The following ZFHX3 variants were observed in gnomAD, a reference collection of about 807,000 sequenced individuals.
ZFHX3 encodes zinc finger homeobox protein 3.
A neutral mutation model predicts 279.1 loss-of-function variants in ZFHX3; 42 were observed. The ratio of observed to expected loss-of-function variants is 0.15; its 90% CI spans 0.12 to 0.19. ZFHX3 has a LOEUF of 0.19. Ranked by LOEUF, ZFHX3 falls within the 10% of genes least tolerant of loss-of-function variation. ZFHX3 has a pLI of 1.00. For synonymous variants in ZFHX3, 2,293 were observed against 1,957.8 expected, an observed-to-expected ratio of 1.17 and a Z score of -4.52; for missense variants, 4,981 against 4,754.0, an observed-to-expected ratio of 1.05 and a Z score of -1.40.
intron 5 of ZFHX3, among the ~76,000 whole-genome samples, chr16:72,828,911 G>A (rs1169028650): frequency 6.6e-6 from 1 of 151,722 alleles, no homozygotes; most frequent in East Asian, 1.9e-4. Context: ...GGCTGGTCTC[G>A]AACTCCTGAG....
At chr16:73,678,193 G>A (rs8063337) in intron 2 of ZFHX3, among the ~76,000 whole-genome samples, 15,458 of 152,008 alleles carry the variant, frequency 0.1, 887 homozygotes, top group African/African-American at 0.13. Flanking sequence ...TTCATTTTTC[G>A]ATAACAGGAA....
intron 6 of ZFHX3, chr16:73,131,139 A>T (rs56203505): frequency 5.0e-5 from 24 of 476,126 alleles, no homozygotes; most frequent in Middle Eastern, 7.0e-4. Flanking sequence ...TAGGGTTGAC[A>T]TGAGAATTCA....
At chr16:72,791,609 A>T (rs962235292) in intron 9 of ZFHX3, 1 of 152,138 alleles carries the variant, frequency 6.6e-6, no homozygotes, top group African/African-American at 2.4e-5. Flanking sequence ...GGAATAAATC[A>T]TACATTCTGA....
At chr16:73,226,566 G>A (rs1441248218) in intron 5 of ZFHX3, among the ~76,000 whole-genome samples, 1 of 152,214 alleles carries the variant, frequency 6.6e-6, no homozygotes, top group Non-Finnish European at 1.5e-5. Flanking sequence ...TGTCTCATGG[G>A]ATGTGAGCTC....
rs188690922 is a variant in ZFHX3, at chr16:72,888,833, G to C, written c.3448+898C>G. 7.6e-4 allele frequency among the ~76,000 whole-genome samples: 115 copies of C among 152,310 alleles called. No homozygotes were observed. The Middle Eastern group carries it at 0.014, about 18-fold the overall frequency. ...TAGGAGGTTGAGACATGGAATAGAG[G>C]TGAGCAGTTCACAGGGTTCTCTCAA... On this transcript the variant is annotated intron_variant, in intron 4 of 9. Transcript: ENST00000268489.
intron 2 of ZFHX3, chr16:73,608,821 T>TA (rs988475745): frequency 6.6e-6 from 1 of 152,102 alleles, no homozygotes; most frequent in Non-Finnish European, 1.5e-5. Flanking sequence ...AAGGTATTTT[T>TA]AAAAAAACAA....
intron 4 of ZFHX3, among the ~76,000 whole-genome samples, chr16:72,866,286 A>C (rs2038021553): frequency 6.6e-6 from 1 of 152,210 alleles, no homozygotes; most frequent in African/African-American, 2.4e-5. Flanking sequence ...GTATAATGAC[A>C]CTTTATGTAC....
intron 1 of ZFHX3, among the ~76,000 whole-genome samples, chr16:72,977,344 T>C (rs369626896): frequency 4.6e-5 from 7 of 152,238 alleles, no homozygotes; most frequent in South Asian, 4.1e-4. Flanking sequence ...ACACACTCAC[T>C]GCACTGCACA....
chr16:73,405,350 T>C (rs990622480), intron 3 of ZFHX3, among the ~76,000 whole-genome samples: 1 of 152,174 alleles, frequency 6.6e-6, no homozygotes, highest in African/African-American at 2.4e-5. Flanking sequence ...TCCTGGCTGA[T>C]TTTTCTTTTT....
chr16:73,808,207 A>G (rs187271854), intron 1 of ZFHX3, among the ~76,000 whole-genome samples: 101 of 152,364 alleles, frequency 6.6e-4, no homozygotes, highest in African/African-American at 2.1e-3. Context: ...CCATCGATGT[A>G]GATCATGAGC....
chr16:73,804,507 A>C (rs1392446697), intron 1 of ZFHX3, among the ~76,000 whole-genome samples: 2 of 152,182 alleles, frequency 1.3e-5, no homozygotes, highest in Non-Finnish European at 2.9e-5. Flanking sequence ...AAAGAGGTGT[A>C]ATTTCAGGGG....
chr16:73,286,532 G>A (rs780001065), intron 4 of ZFHX3, among the ~76,000 whole-genome samples: 18 of 151,806 alleles, frequency 1.2e-4, no homozygotes, highest in Admixed American at 3.3e-4. Flanking sequence ...TGTGTGGGTC[G>A]GTGTGTGGCT....
intron 1 of ZFHX3, among the ~76,000 whole-genome samples, chr16:72,992,831 G>C (rs989597326): frequency 6.6e-6 from 1 of 152,212 alleles, no homozygotes; most frequent in Non-Finnish European, 1.5e-5. Context: ...AAGAGCCTTC[G>C]AGGGGCATCA....
At chr16:73,286,999 T>C (rs1597263142) in intron 4 of ZFHX3, among the ~76,000 whole-genome samples, 1 of 143,300 alleles carries the variant, frequency 7.0e-6, no homozygotes, top group Non-Finnish European at 1.5e-5. Flanking sequence ...TGTGGGTCAG[T>C]GTGTGGCTAT....
chr16:72,888,406 G>C (rs1345851830), intron 4 of ZFHX3, among the ~76,000 whole-genome samples: 1 of 152,156 alleles, frequency 6.6e-6, no homozygotes, highest in Non-Finnish European at 1.5e-5. Context: ...CAAGAGGTGG[G>C]ACCAATGAGA....
At chr16:73,282,534 T>C (rs1329268937) in intron 4 of ZFHX3, among the ~76,000 whole-genome samples, 1 of 152,214 alleles carries the variant, frequency 6.6e-6, no homozygotes, top group Non-Finnish European at 1.5e-5. Flanking sequence ...TTTTTGACTG[T>C]CTTCCATATT....
At chr16:73,167,409 A>G (rs1248569325) in intron 5 of ZFHX3, among the ~76,000 whole-genome samples, 1 of 152,248 alleles carries the variant, frequency 6.6e-6, no homozygotes, top group Non-Finnish European at 1.5e-5. Flanking sequence ...ATCCTCAGAG[A>G]GAAGAACTTA....
At chr16:73,019,339 T>TGTGC (rs1405621258) in intron 1 of ZFHX3, among the ~76,000 whole-genome samples, 12 of 107,698 alleles carry the variant, frequency 1.1e-4, no homozygotes, top group African/African-American at 3.1e-4. Context: ...TGTGTGTGTC[T>TGTGC]GTGCGTGTGT....
intron 4 of ZFHX3, among the ~76,000 whole-genome samples, chr16:73,280,600 G>T (rs2014431143): frequency 6.6e-6 from 1 of 152,036 alleles, no homozygotes; most frequent in Non-Finnish European, 1.5e-5. Flanking sequence ...TTAAAAAAAA[G>T]GCAAGTGTTG....
Sources: gnomAD v4.1 joint callset for allele counts (sites outside exome capture counted in the v4.1 genomes callset) on GRCh38, gnomAD v4.1.1 for gene constraint, MANE v1.5 for transcripts, NCBI Gene and HGNC (gene_info 2026-07-23, HGNC 2026-07-21) for gene names.